Variants in GRIA4 observed in about 807,000 individuals in gnomAD.
The protein encoded by GRIA4 is glutamate ionotropic receptor AMPA type subunit 4.
Under a neutral mutation model 104.0 loss-of-function variants are expected in GRIA4, and 34 were observed. The observed-to-expected ratio is 0.33, with a 90% CI of 0.25 to 0.44. The LOEUF is 0.44. GRIA4 is among the 20% of genes least tolerant of loss of function. The probability of loss-of-function intolerance (pLI) is 1.00; values close to 1 mark genes in which losing one functional copy is unlikely to be tolerated. For missense variants in GRIA4, 750 were observed against 1,096.5 expected (o/e 0.68, Z 4.46); for synonymous variants, 386 against 381.9 (o/e 1.01, Z -0.13).
At chr11:105,948,251 G>C (rs1449685450) in intron 14 of GRIA4, among the ~76,000 whole-genome samples, 3 of 152,166 alleles carry the variant, frequency 2.0e-5, no homozygotes, top group Non-Finnish European at 2.9e-5. Flanking sequence ...CACATTTTAA[G>C]TGATAAGAGC....
intron 3 of GRIA4, among the ~76,000 whole-genome samples, chr11:105,636,217 A>C (rs1221328966): frequency 6.6e-6 from 1 of 152,212 alleles, no homozygotes; most frequent in Non-Finnish European, 1.5e-5. Flanking sequence ...TAATAGTATA[A>C]CATTTTCATG....
intron 4 of GRIA4, among the ~76,000 whole-genome samples, chr11:105,836,142 T>C (rs1186697434): frequency 6.6e-6 from 1 of 151,864 alleles, no homozygotes; most frequent in African/African-American, 2.4e-5. Flanking sequence ...GGAAAGAAAA[T>C]AGTCATAGAA....
At chr11:105,864,367 C>T (rs11226868) in intron 5 of GRIA4, among the ~76,000 whole-genome samples, 40,948 of 152,008 alleles carry the variant, frequency 0.27, 5,530 homozygotes, top group Non-Finnish European at 0.29. Flanking sequence ...ATCTTAAGAC[C>T]CCTGTGTTTC....
At chr11:105,966,340 G>T (rs1245431870) in intron 14 of GRIA4, among the ~76,000 whole-genome samples, 5 of 152,214 alleles carry the variant, frequency 3.3e-5, no homozygotes, top group African/African-American at 1.2e-4. Flanking sequence ...ATTTTGGAAA[G>T]TAGGAAGGGA....
At chr11:105,877,227 A>G (rs946289880) in intron 5 of GRIA4, among the ~76,000 whole-genome samples, 4 of 152,186 alleles carry the variant, frequency 2.6e-5, no homozygotes, top group African/African-American at 7.2e-5. Context: ...AGAATGTTGA[A>G]TATTGACCCC....
At chr11:105,976,035 C>T (rs941843930) in intron 16 of GRIA4, among the ~76,000 whole-genome samples, 3 of 151,994 alleles carry the variant, frequency 2.0e-5, no homozygotes, top group Admixed American at 2.0e-4. Flanking sequence ...GGTGTCTTAG[C>T]CATTAGAGGA....
intron 3 of GRIA4, among the ~76,000 whole-genome samples, chr11:105,667,716 G>C (rs567934139): frequency 3.3e-5 from 5 of 151,844 alleles, no homozygotes; most frequent in Non-Finnish European, 7.4e-5. Flanking sequence ...AAAATTGTAT[G>C]TATTTAAAGT....
At chr11:105,808,869 T>G (rs1389337260) in intron 4 of GRIA4, among the ~76,000 whole-genome samples, 1 of 152,096 alleles carries the variant, frequency 6.6e-6, no homozygotes, top group Non-Finnish European at 1.5e-5. Flanking sequence ...TGACGGCAAG[T>G]GTAGAATTTA....
chr11:105,695,236 T>G (rs1013195519), intron 3 of GRIA4, among the ~76,000 whole-genome samples: 1 of 152,158 alleles, frequency 6.6e-6, no homozygotes, highest in Non-Finnish European at 1.5e-5. Context: ...TCAGGTTTGT[T>G]GGTTTTGATC....
rs559606679 is a variant in GRIA4, at chr11:105,932,610, G to A, written c.2047-1112G>A. Among the ~76,000 whole-genome samples, 19 of 152,262 alleles carry A rather than the reference G, an allele frequency of 1.2e-4. No homozygotes were observed. The South Asian group carries it at 3.9e-3, about 31-fold the overall frequency. ...TAATGTATTAATAGATAGAGCTCAA[G>A]TAGACAGAAGTAATTTACAAATATA... On this transcript the variant is annotated intron_variant, in intron 13 of 16. Transcript: ENST00000282499.
At chr11:105,886,684 G>C (rs1282104460) in intron 5 of GRIA4, among the ~76,000 whole-genome samples, 1 of 152,030 alleles carries the variant, frequency 6.6e-6, no homozygotes, top group Non-Finnish European at 1.5e-5. Context: ...TGAAAATTGT[G>C]GCTTTCACTG....
intron 4 of GRIA4, among the ~76,000 whole-genome samples, chr11:105,854,644 A>C (rs1037603802): frequency 1.3e-5 from 2 of 152,158 alleles, no homozygotes; most frequent in Non-Finnish European, 2.9e-5. Flanking sequence ...TGTCGGTAGG[A>C]AGAAATGGCC....
chr11:105,959,971 C>A lies in GRIA4; in HGVS notation c.2295-11943C>A, dbSNP rs141738655. On this transcript the variant is annotated intron_variant, in intron 14 of 16. Transcript: ENST00000282499. The stretch of plus-strand genomic sequence containing the variant: ...TCACTCAAGGAGGCTGGAAAGCAGC[C>A]AGGATGGCTGCCTGCTCCTTCTTCT... 8.2e-3 allele frequency among the ~76,000 whole-genome samples: 1,247 copies of A among 152,316 alleles called. 16 individuals are homozygous for A. Among genetic ancestry groups the A allele is most frequent in the African/African-American group, 0.029 (1,199 of 41,564 alleles).
At chr11:105,846,593 CA>C (rs1315774757) in intron 4 of GRIA4, among the ~76,000 whole-genome samples, 1 of 151,950 alleles carries the variant, frequency 6.6e-6, no homozygotes, top group Non-Finnish European at 1.5e-5. Context: ...AAACAACTTG[CA>C]AAAACAAGGG....
At chr11:105,774,565 G>T (rs982220691) in intron 4 of GRIA4, among the ~76,000 whole-genome samples, 3 of 152,108 alleles carry the variant, frequency 2.0e-5, no homozygotes, top group African/African-American at 4.8e-5. Flanking sequence ...ATAAAAAGAT[G>T]TAAAGGCATA....
chr11:105,926,883 C>A lies in GRIA4; in HGVS notation c.1990C>A (p.Gln664Lys). ...AGAAAGTGCAGAAGACCTGGCCAAA[C>A]AAACAGAAATTGCCTATGGAACACT... ...PIESAEDLAKQTEIAYGTLDS... is the reference protein window; with the variant it reads ...PIESAEDLAKKTEIAYGTLDS... Residue 664 changes from glutamine (Q) to lysine (K), a missense_variant, in exon 13 of 17, where the codon CAA (glutamine) becomes AAA (lysine). By Grantham distance (53) the Gln-to-Lys change is moderately conservative (BLOSUM62 1). Around this residue, in one of 3 missense-constraint regions of GRIA4, gnomAD observed 272 missense variants for 524.5 expected, o/e 0.52. Transcript: ENST00000282499. The A allele has an allele frequency of 6.2e-7, 1 of 1,612,248 alleles. No homozygotes were observed. Among genetic ancestry groups the A allele is most frequent in the Non-Finnish European group, 8.5e-7 (1 of 1,178,730 alleles).
chr11:105,748,529 T>C lies in GRIA4; in HGVS notation c.248-4452T>C, dbSNP rs573799370. 1.5e-3 allele frequency among the ~76,000 whole-genome samples: 223 copies of C among 152,222 alleles called. 3 individuals carry two copies. Among genetic ancestry groups the C allele is most frequent in the Admixed American group, 0.014 (221 of 15,278 alleles). On this transcript the variant is annotated intron_variant, in intron 3 of 16. Coordinates refer to ENST00000282499, the MANE Select transcript of GRIA4 (RefSeq NM_000829.4). ...TCCCGAGTAGCTGGGATTACGGGCA[T>C]GTGCCAGCACGCCCTGCTAATTTTT...
intron 3 of GRIA4, among the ~76,000 whole-genome samples, chr11:105,692,255 T>TA (rs749702613): frequency 5.7e-5 from 8 of 139,644 alleles, no homozygotes; most frequent in Admixed American, 1.5e-4. Context: ...CTCTTTTTTT[T>TA]AAAAAAAAAA....
chr11:105,711,026 G>A (rs961542248), intron 3 of GRIA4, among the ~76,000 whole-genome samples: 1 of 151,372 alleles, frequency 6.6e-6, no homozygotes, highest in African/African-American at 2.4e-5. Context: ...TTTGAAGATC[G>A]TAAATACCAA....
Sources: gnomAD v4.1 joint callset for allele counts (sites outside exome capture counted in the v4.1 genomes callset) on GRCh38, gnomAD v4.1.1 for gene constraint, gnomAD v4.1.1 regional missense constraint, MANE v1.5 for transcripts, NCBI Gene and HGNC (gene_info 2026-07-23, HGNC 2026-07-21) for gene names.